DECR1: variants seen among roughly 807,000 people sequenced by gnomAD.
DECR1 encodes 2,4-dienoyl-CoA reductase 1.
Under a neutral mutation model 38.8 loss-of-function variants are expected in DECR1, and 44 were observed. The ratio of observed to expected loss-of-function variants is 1.13; its 90% CI spans 0.89 to 1.46. DECR1 has a LOEUF of 1.46. Among genes scored for constraint, DECR1 ranks in the 40% most tolerant of loss-of-function variants. DECR1 has a pLI of 0.00. For synonymous variants in DECR1, 148 were observed against 135.2 expected (o/e 1.09, Z -0.66); for missense variants, 428 against 405.5 (o/e 1.06, Z -0.48).
intron 5 of DECR1, among the ~76,000 whole-genome samples, chr8:90,028,523 TAAGAAC>T (rs904514077): frequency 1.3e-5 from 2 of 152,108 alleles, no homozygotes; most frequent in Non-Finnish European, 2.9e-5. Flanking sequence ...TCCTTATACC[TAAGAAC>T]ATATGAGAAT....
chr8:90,011,841 G>A (rs1344218967), intron 1 of DECR1, among the ~76,000 whole-genome samples: 1 of 152,086 alleles, frequency 6.6e-6, no homozygotes, highest in Non-Finnish European at 1.5e-5. Context: ...GGGTCAAAGA[G>A]TATTTGTATC....
chr8:90,019,825 A>G (rs566350001), intron 4 of DECR1, among the ~76,000 whole-genome samples: 4 of 152,378 alleles, frequency 2.6e-5, no homozygotes, highest in Admixed American at 1.3e-4. Flanking sequence ...CAGAGTAGGA[A>G]GACTGCTACA....
At chr8:90,051,502 A>C (rs563728361) in intron 8 of DECR1, among the ~76,000 whole-genome samples, 175 bp from the exon 9 acceptor site, 38 of 152,314 alleles carry the variant, frequency 2.5e-4, no homozygotes, top group Non-Finnish European at 4.7e-4. Flanking sequence ...TTAGAAATAG[A>C]ATTATAAACT....
chr8:90,025,917 A>G (rs1303044871), intron 5 of DECR1, among the ~76,000 whole-genome samples: 1 of 152,178 alleles, frequency 6.6e-6, no homozygotes, highest in Non-Finnish European at 1.5e-5. Context: ...ATTTATTGAG[A>G]GTTTTTAGCA....
chr8:90,039,048 T>C (rs1256859122), intron 6 of DECR1, among the ~76,000 whole-genome samples: 1 of 152,198 alleles, frequency 6.6e-6, no homozygotes, highest in Non-Finnish European at 1.5e-5. Flanking sequence ...CTGCATATAA[T>C]AGATGCTCAT....
intron 5 of DECR1, among the ~76,000 whole-genome samples, chr8:90,031,850 G>A (rs1813503268): frequency 6.6e-6 from 1 of 152,020 alleles, no homozygotes; most frequent in South Asian, 2.1e-4. Flanking sequence ...TAGGAGATGA[G>A]GCCAAGCAAT....
chr8:90,036,148 A>G (rs904074354), intron 5 of DECR1, among the ~76,000 whole-genome samples: 1 of 152,164 alleles, frequency 6.6e-6, no homozygotes, highest in Non-Finnish European at 1.5e-5. Context: ...ATGGAGTTCT[A>G]TTAATATCTC....
chr8:90,027,312 G>A, intron 5 of DECR1, among the ~76,000 whole-genome samples: 1 of 152,112 alleles, frequency 6.6e-6, no homozygotes, highest in East Asian at 1.9e-4. Context: ...GTCTAATGTT[G>A]ACAGTGGGTT....
At chr8:90,025,174 C>CT (rs1813297135) in intron 5 of DECR1, among the ~76,000 whole-genome samples, 1 of 152,266 alleles carries the variant, frequency 6.6e-6, no homozygotes, top group South Asian at 2.1e-4. Context: ...CAGCTTTGTT[C>CT]TTTTGGCTTA....
intron 8 of DECR1, among the ~76,000 whole-genome samples, chr8:90,051,246 C>T (rs1267036296): frequency 6.7e-6 from 1 of 150,336 alleles, no homozygotes; most frequent in Non-Finnish European, 1.5e-5. Context: ...AGGAAACTTA[C>T]AATTATGGCT....
At chr8:90,013,849 A>T (rs1812945949) in intron 1 of DECR1, among the ~76,000 whole-genome samples, 1 of 152,162 alleles carries the variant, frequency 6.6e-6, no homozygotes, top group Admixed American at 6.5e-5. Flanking sequence ...CCTTGAGGGG[A>T]AGGTGCAGTG....
At chr8:90,036,402 A>G (rs967547651) in intron 5 of DECR1, among the ~76,000 whole-genome samples, 2 of 152,152 alleles carry the variant, frequency 1.3e-5, no homozygotes, top group Non-Finnish European at 2.9e-5. Flanking sequence ...TAATTGTAGC[A>G]TATGTCTTAC....
intron 8 of DECR1, among the ~76,000 whole-genome samples, chr8:90,047,429 G>C (rs1008590967): frequency 2.0e-5 from 3 of 152,290 alleles, no homozygotes; most frequent in East Asian, 3.9e-4. Flanking sequence ...GATCAGAAGA[G>C]AGAAAGAAGG....
chr8:90,042,195 G>A (rs769706796), intron 6 of DECR1, among the ~76,000 whole-genome samples: 2 of 151,896 alleles, frequency 1.3e-5, no homozygotes, highest in East Asian at 1.9e-4. Context: ...ATTTTCAATC[G>A]ATGTACTCTT....
intron 7 of DECR1, 53 bp downstream of exon 7, chr8:90,042,853 C>T: frequency 1.4e-6 from 2 of 1,422,928 alleles, no homozygotes; most frequent in Non-Finnish European, 2.0e-6. Flanking sequence ...TAATGAAACA[C>T]TGATAGGTAT....
chr8:90,008,447 A>G (rs1281711575), intron 1 of DECR1, among the ~76,000 whole-genome samples: 1 of 152,182 alleles, frequency 6.6e-6, no homozygotes, highest in Admixed American at 6.5e-5. Flanking sequence ...TCTGGCTCAC[A>G]TTTAAATCTT....
At chr8:90,019,203 A>C in intron 4 of DECR1, 31 bp downstream of exon 4, 1 of 1,554,702 alleles carries the variant, frequency 6.4e-7, no homozygotes, top group Non-Finnish European at 8.9e-7. Flanking sequence ...GCCAAAGTGC[A>C]AGACACTTGA....
chr8:90,002,312 C>T (rs1189952077), intron 1 of DECR1, among the ~76,000 whole-genome samples: 1 of 151,990 alleles, frequency 6.6e-6, no homozygotes, highest in African/African-American at 2.4e-5. Context: ...AAAAATGAAA[C>T]AAAAACAAAA....
Position 90,052,054 on chromosome 8 carries a change from C to A in DECR1, c.*157C>A, listed in dbSNP as rs1814112237. On this transcript the variant is annotated 3_prime_UTR_variant, in exon 10 of 10. Transcript: ENST00000220764. ...AGGCCAGTGATAGCCATTGTATATT[C>A]AAAGATAAATAAAATGAAATATAGT... is the stretch of plus-strand genomic sequence containing the variant. The A allele has an allele frequency of 3.8e-4, 195 of 518,042 alleles. No individual in the cohort carries two copies. The highest frequency in any genetic ancestry group is 6.5e-4 in the South Asian group (22 of 33,896). The allele number at this position is 518,042 out of a possible 1,614,324, so 32.1% of individuals were successfully genotyped here.
Sources: gnomAD v4.1 joint callset for allele counts (sites outside exome capture counted in the v4.1 genomes callset) on GRCh38, gnomAD v4.1.1 for gene constraint, MANE v1.5 for transcripts, NCBI Gene and HGNC (gene_info 2026-07-23, HGNC 2026-07-21) for gene names.